Variants in RAD51B observed in about 807,000 individuals in gnomAD.
The protein encoded by RAD51B is RAD51 paralog B.
Under a neutral mutation model 42.2 loss-of-function variants are expected in RAD51B, and 38 were observed. The ratio of observed to expected loss-of-function variants is 0.90; its 90% CI spans 0.70 to 1.18. The LOEUF is 1.18. Ranked by LOEUF, RAD51B falls within the 50% of genes most tolerant of loss-of-function variation. The pLI is 0.00. For missense variants in RAD51B, 373 were observed against 400.7 expected (o/e 0.93, Z 0.59); for synonymous variants, 154 against 145.2 (o/e 1.06, Z -0.43).
At chr14:67,835,687 C>A (rs974588302) in intron 4 of RAD51B, among the ~76,000 whole-genome samples, 14 of 145,898 alleles carry the variant, frequency 9.6e-5, no homozygotes, top group Non-Finnish European at 1.2e-4. Flanking sequence ...CTGTCTTTAC[C>A]AAAAAAAAAA....
At chr14:68,502,355 G>A (rs987382830) in intron 10 of RAD51B, among the ~76,000 whole-genome samples, 2 of 152,214 alleles carry the variant, frequency 1.3e-5, no homozygotes, top group Admixed American at 6.5e-5. Flanking sequence ...AAAGCCTGCT[G>A]CAGAAGGGAG....
intron 7 of RAD51B, among the ~76,000 whole-genome samples, chr14:67,938,146 A>G (rs1022736837): frequency 1.3e-5 from 2 of 152,220 alleles, no homozygotes; most frequent in Non-Finnish European, 2.9e-5. Context: ...CAGACTAATA[A>G]CATTTATGTG....
chr14:68,563,267 T>C, intron 10 of RAD51B: 2 of 985,392 alleles, frequency 2.0e-6, no homozygotes, highest in Non-Finnish European at 1.2e-6. Context: ...AAAAGCCCCA[T>C]CCAGAATGGG....
Position 68,430,249 on chromosome 14 carries a change from A to G in RAD51B, c.957+18722A>G, listed in dbSNP as rs141686863. Among the ~76,000 whole-genome samples, 604 of 152,282 alleles carry G rather than the reference A, an allele frequency of 4.0e-3. 5 individuals are homozygous for G. The highest frequency in any genetic ancestry group is 0.014 in the African/African-American group (577 of 41,546). On this transcript the variant is annotated intron_variant, in intron 9 of 10. Transcript: ENST00000471583. Reference sequence around the variant, plus strand: ...AATGTGGGCTCTTTTTTGGTTCCATATGAACTGTAAAGTAGTTTTTTCCAA... The same window carrying G: ...AATGTGGGCTCTTTTTTGGTTCCATGTGAACTGTAAAGTAGTTTTTTCCAA...
chr14:68,023,238 T>C (rs1468403417), intron 7 of RAD51B, among the ~76,000 whole-genome samples: 9 of 152,238 alleles, frequency 5.9e-5, no homozygotes, highest in Admixed American at 5.9e-4. Context: ...TTCAAACTAC[T>C]TTCTACAATG....
intron 8 of RAD51B, among the ~76,000 whole-genome samples, chr14:68,410,661 A>G (rs1226136972): frequency 2.0e-5 from 3 of 152,156 alleles, no homozygotes; most frequent in African/African-American, 4.8e-5. Flanking sequence ...GCTGGCTTCT[A>G]TGCAGCAGGA....
At position 68,154,244 on chromosome 14, in the gene RAD51B, C is replaced by G. The variant is rs182627792; in HGVS notation, c.757-137640C>G. 5.9e-5 allele frequency among the ~76,000 whole-genome samples: 9 copies of G among 152,324 alleles called. 1 individual carries two copies. The highest frequency in any genetic ancestry group is 5.9e-4 in the Admixed American group (9 of 15,302). On this transcript the variant is annotated intron_variant, in intron 7 of 10. Transcript: ENST00000471583. ...GATGCAGTTAAGTTACTTGGAAACA[C>G]ATCCTTTTGGATCTTGCTTTCAGGA...
intron 7 of RAD51B, among the ~76,000 whole-genome samples, chr14:68,071,208 T>C (rs575959569): frequency 1.3e-4 from 20 of 152,118 alleles, no homozygotes; most frequent in Non-Finnish European, 2.4e-4. Flanking sequence ...ATATTGTCTA[T>C]GAAGAGAGAT....
chr14:68,562,336 G>C (rs555333087), intron 10 of RAD51B: 14 of 985,396 alleles, frequency 1.4e-5, no homozygotes, highest in Admixed American at 6.1e-5. Flanking sequence ...TGATCTACAG[G>C]GTGAGACAGG....
chr14:68,350,186 G>C (rs2139868127), intron 8 of RAD51B, among the ~76,000 whole-genome samples: 1 of 152,298 alleles, frequency 6.6e-6, no homozygotes, highest in South Asian at 2.1e-4. Flanking sequence ...TGTTATGTCT[G>C]AGCTGAACTA....
chr14:67,959,674 G>C (rs1595168649), intron 7 of RAD51B, among the ~76,000 whole-genome samples: 1 of 152,126 alleles, frequency 6.6e-6, no homozygotes, highest in Non-Finnish European at 1.5e-5. Flanking sequence ...TTACCATGCT[G>C]TCTTCTTTCT....
At position 68,263,072 on chromosome 14, in the gene RAD51B, C is replaced by A. The variant is rs548152189; in HGVS notation, c.757-28812C>A. Among the ~76,000 whole-genome samples the A allele has an allele frequency of 2.0e-5, 3 of 152,244 alleles. No homozygotes were observed. In the South Asian group the frequency reaches 6.2e-4, roughly 32 times the overall value. ...CGTTTCCTCTCCCACAGTAGCTGTT[C>A]GTCTTTTGAGCAAGTCTTTTAGCCT... On this transcript the variant is annotated intron_variant, in intron 7 of 10. Transcript: ENST00000471583.
At chr14:67,999,842 G>C (rs2075449120) in intron 7 of RAD51B, among the ~76,000 whole-genome samples, 1 of 152,098 alleles carries the variant, frequency 6.6e-6, no homozygotes, top group South Asian at 2.1e-4. Context: ...AGGTGGAGTA[G>C]GGTTTTGATA....
intron 8 of RAD51B, among the ~76,000 whole-genome samples, chr14:68,367,971 A>AT (rs2083177242): frequency 6.6e-6 from 1 of 152,232 alleles, no homozygotes; most frequent in African/African-American, 2.4e-5. Flanking sequence ...CATAGGGAAC[A>AT]TTTTAGAATT....
At chr14:68,077,663 A>G (rs1299700023) in intron 7 of RAD51B, among the ~76,000 whole-genome samples, 2 of 152,184 alleles carry the variant, frequency 1.3e-5, no homozygotes, top group African/African-American at 4.8e-5. Context: ...GTTACATTAA[A>G]ATTTGTGCTT....
At chr14:68,457,011 C>T (rs2085712055) in intron 9 of RAD51B, among the ~76,000 whole-genome samples, 1 of 147,720 alleles carries the variant, frequency 6.8e-6, no homozygotes, top group African/African-American at 2.5e-5. Context: ...CTCCCAGGTT[C>T]AAGCAATTCT....
chr14:68,600,533 T>A (rs1197323624), downstream of RAD51B, among the ~76,000 whole-genome samples: 9 of 152,108 alleles, frequency 5.9e-5, no homozygotes, highest in Admixed American at 5.9e-4. Flanking sequence ...TGGGGAGGAC[T>A]GCATGCCTTT....
chr14:68,584,111 C>T (rs1015591502), intron 10 of RAD51B, among the ~76,000 whole-genome samples: 24 of 152,168 alleles, frequency 1.6e-4, no homozygotes, highest in Admixed American at 2.0e-4. Context: ...CCCAACACCT[C>T]GTGCCTCAGG....
intron 7 of RAD51B, among the ~76,000 whole-genome samples, chr14:68,071,990 T>C (rs189067762): frequency 2.7e-4 from 40 of 145,868 alleles, no homozygotes; most frequent in Admixed American, 2.3e-3. Flanking sequence ...TCTTGGGATG[T>C]TGTATGTTTC....
Sources: allele counts gnomAD v4.1 joint callset (sites outside exome capture counted in the v4.1 genomes callset), GRCh38; gene constraint gnomAD v4.1.1; transcripts MANE v1.5; gene names NCBI Gene and HGNC (gene_info 2026-07-23, HGNC 2026-07-21).